ITSN2: variants seen among roughly 807,000 people sequenced by gnomAD.
ITSN2 encodes the protein intersectin-2.
In ITSN2, 156 loss-of-function variants were observed where a neutral mutation model predicts 243.7. The observed-to-expected ratio is 0.64, with a 90% CI of 0.56 to 0.73. ITSN2 has a LOEUF of 0.73. ITSN2 is among the 30% of genes least tolerant of loss of function. ITSN2 has a pLI of 0.00. For missense variants in ITSN2, 1,801 were observed against 1,996.1 expected, an observed-to-expected ratio of 0.90 and a Z score of 1.86; for synonymous variants, 703 against 699.9, an observed-to-expected ratio of 1.00 and a Z score of -0.07.
chr2:24,256,756 A>T (rs1045637130), intron 23 of ITSN2, among the ~76,000 whole-genome samples: 1 of 151,632 alleles, frequency 6.6e-6, no homozygotes, highest in South Asian at 2.1e-4. Context: ...ATGAACAAAT[A>T]AAAAAAAAGA....
intron 20 of ITSN2, among the ~76,000 whole-genome samples, chr2:24,270,264 G>A (rs2151451322): frequency 6.6e-6 from 1 of 152,236 alleles, no homozygotes; most frequent in South Asian, 2.1e-4. Flanking sequence ...TATTTTATAT[G>A]GATTGTGATA....
intron 13 of ITSN2, 97 bp from the exon 14 acceptor site, chr2:24,295,901 A>C: frequency 1.1e-6 from 1 of 925,746 alleles, no homozygotes; most frequent in Non-Finnish European, 1.5e-6. Flanking sequence ...TTAAAATCTC[A>C]GTTATCATTC....
intron 2 of ITSN2, among the ~76,000 whole-genome samples, chr2:24,324,266 T>G (rs934007339): frequency 2.0e-5 from 3 of 152,022 alleles, no homozygotes; most frequent in Admixed American, 6.6e-5. Context: ...AAATTAAATT[T>G]TTTTTAAAAA....
At chr2:24,263,101 A>G (rs758096639) in intron 20 of ITSN2, among the ~76,000 whole-genome samples, 23 of 152,338 alleles carry the variant, frequency 1.5e-4, no homozygotes, top group Non-Finnish European at 2.5e-4. Flanking sequence ...TGTCATAATT[A>G]GCATTATATA....
At position 24,203,636 on chromosome 2, in the gene ITSN2, G is replaced by C. The variant is rs1479447561; in HGVS notation, c.5084C>G (p.Thr1695Ser). The C allele has an allele frequency of 6.2e-7, 1 of 1,613,804 alleles. No homozygotes were observed. The highest frequency in any genetic ancestry group is 8.5e-7 in the Non-Finnish European group (1 of 1,179,932). Residue 1695 changes from threonine (T) to serine (S), a missense_variant, in exon 40 of 40, where the codon ACT becomes AGT. This residue lies in a region of ITSN2 where 928 missense variants were observed against 1,065.4 expected (regional missense o/e 0.87). Transcript: ENST00000355123. ...RFDLQLFEQK[T>S]LL ...TGTCCTTTAGAACCCCTACAGGAGA[G>C]TTTTTTGCTCAAAAAGCTGCAGGTC...
chr2:24,282,396 C>A (rs1211581283), intron 17 of ITSN2, among the ~76,000 whole-genome samples: 2 of 152,226 alleles, frequency 1.3e-5, no homozygotes. Flanking sequence ...GCTCCCCCAT[C>A]TGCTGAGAGC....
Position 24,210,875 on chromosome 2 carries a change from G to C in ITSN2, c.4162C>G (p.Leu1388Val), listed in dbSNP as rs769410688. The C allele has an allele frequency of 3.7e-6, 6 of 1,614,172 alleles. No homozygotes were observed. In the Admixed American group the frequency reaches 5.0e-5, roughly 13 times the overall value. ...LKLALERAEE[L>V]CSQVNEGVRE... Reference sequence around the variant, plus strand: ...ACTCCCTCATTCACTTGAGAGCACAGCTCCTCTGCCCGCTCGAGGGCCAGC... The same window carrying C: ...ACTCCCTCATTCACTTGAGAGCACACCTCCTCTGCCCGCTCGAGGGCCAGC... The change falls in exon 34 of 40, where the codon CTG becomes GTG. Residue 1388 changes from leucine to valine, a missense_variant. Transcript: ENST00000355123.
At position 24,304,255 on chromosome 2, in the gene ITSN2, G is replaced by A. The variant is rs113098910; in HGVS notation, c.794-393C>T. Among the ~76,000 whole-genome samples the A allele has an allele frequency of 6.7e-3, 1,019 of 152,252 alleles. 23 individuals are homozygous for A. The highest frequency in any genetic ancestry group is 7.5e-3 in the South Asian group (36 of 4,822). On this transcript the variant is annotated intron_variant, in intron 8 of 39. Coordinates refer to ENST00000355123, the MANE Select transcript of ITSN2 (RefSeq NM_006277.3). ...GAGCCGTGAGTAGCAGAAGAGTCAGGCGCTACTCTGGGTTCAGCCTGAGTC... is the reference window on the plus strand; with the variant it reads ...GAGCCGTGAGTAGCAGAAGAGTCAGACGCTACTCTGGGTTCAGCCTGAGTC...
chr2:24,215,616 A>G (rs370656611), intron 32 of ITSN2, among the ~76,000 whole-genome samples: 133 of 151,354 alleles, frequency 8.8e-4, no homozygotes, highest in African/African-American at 3.2e-3. Flanking sequence ...GCAGTGAGCC[A>G]AGATCATACC....
intron 1 of ITSN2, among the ~76,000 whole-genome samples, chr2:24,334,934 G>A (rs568466335): frequency 6.6e-6 from 1 of 151,366 alleles, no homozygotes; most frequent in African/African-American, 2.4e-5. Flanking sequence ...GTGGTAGCGG[G>A]CGCCTGTAGT....
chr2:24,261,040 T>A, intron 22 of ITSN2, 66 bp downstream of exon 22: 3 of 1,436,638 alleles, frequency 2.1e-6, no homozygotes, highest in Non-Finnish European at 2.9e-6. Context: ...TGTATATAAT[T>A]TTCATTCTAT....
At chr2:24,203,994 C>G in intron 39 of ITSN2, 1 of 635,692 alleles carries the variant, frequency 1.6e-6, no homozygotes, top group Non-Finnish European at 2.7e-6. Flanking sequence ...AATCTCCATT[C>G]TGAGAATGCT....
At chr2:24,356,491 G>A (rs200476942) in intron 1 of ITSN2, among the ~76,000 whole-genome samples, 4 of 147,930 alleles carry the variant, frequency 2.7e-5, no homozygotes, top group Non-Finnish European at 4.5e-5. Context: ...ATATCTACAA[G>A]AAAAAAAAAA....
At chr2:24,280,147 T>G (rs1408956757) in intron 17 of ITSN2, among the ~76,000 whole-genome samples, 3 of 152,240 alleles carry the variant, frequency 2.0e-5, no homozygotes, top group Non-Finnish European at 2.9e-5. Flanking sequence ...ATTCTGTACA[T>G]GCATATTGCA....
intron 2 of ITSN2, 34 bp downstream of exon 2, chr2:24,328,018 A>AAC (rs1685345885): frequency 6.3e-7 from 1 of 1,597,158 alleles, no homozygotes. Context: ...AAAAATCCAT[A>AAC]ACCTCATCTT....
chr2:24,310,550 T>C lies in ITSN2; in HGVS notation c.495A>G (p.Ser165=). ...PTPLVPSVST[S]SLPNGTASLI... The stretch of plus-strand genomic sequence containing the variant: ...GACTGGCGGTTCCATTTGGTAATGA[T>C]GATGTGCTAACAGAAGGCACTAGGG... The change falls in exon 6 of 40, where the codon TCA becomes TCG. Residue 165 remains serine (S), a synonymous_variant. Coordinates refer to ENST00000355123, the MANE Select transcript of ITSN2 (RefSeq NM_006277.3). 1.2e-6 allele frequency: 2 copies of C among 1,614,052 alleles called. No individual in the cohort carries two copies. Among genetic ancestry groups the C allele is most frequent in the East Asian group, 2.2e-5 (1 of 44,878 alleles).
chr2:24,359,763 G>A (rs1432846607), intron 1 of ITSN2, among the ~76,000 whole-genome samples: 10 of 152,104 alleles, frequency 6.6e-5, no homozygotes, highest in Non-Finnish European at 4.4e-5. Context: ...GGAGGAACGC[G>A]AGCGGTAGAC....
intron 1 of ITSN2, among the ~76,000 whole-genome samples, chr2:24,336,383 G>A (rs1170635492): frequency 6.6e-6 from 1 of 151,826 alleles, no homozygotes; most frequent in Non-Finnish European, 1.5e-5. Context: ...TTTTCTTAAA[G>A]CACTCATTAA....
intron 1 of ITSN2, among the ~76,000 whole-genome samples, chr2:24,343,090 CAAA>C (rs1254724019): frequency 2.9e-5 from 2 of 68,512 alleles, no homozygotes; most frequent in African/African-American, 5.6e-5. Flanking sequence ...GACCCCATCT[CAAA>C]AAAAAAAAAA....
Sources: gnomAD v4.1 joint callset for allele counts (sites outside exome capture counted in the v4.1 genomes callset) on GRCh38, gnomAD v4.1.1 for gene constraint, gnomAD v4.1.1 regional missense constraint, MANE v1.5 for transcripts, NCBI Gene and HGNC (gene_info 2026-07-23, HGNC 2026-07-21) for gene names.